SPOCK1: variants seen among roughly 807,000 people sequenced by gnomAD.
SPOCK1 encodes the protein testican-1.
SPOCK1 carries 23 observed loss-of-function variants against 55.3 expected under a neutral mutation model. The ratio of observed to expected loss-of-function variants is 0.42; its 90% CI spans 0.30 to 0.59. SPOCK1 has a LOEUF of 0.59. Among genes scored for constraint, SPOCK1 ranks in the 20% least tolerant of loss-of-function variants. The pLI is 0.22. For missense variants in SPOCK1, 499 were observed against 552.5 expected (o/e 0.90, Z 0.97); for synonymous variants, 226 against 221.0 (o/e 1.02, Z -0.20).
intron 3 of SPOCK1, among the ~76,000 whole-genome samples, chr5:137,210,707 G>A (rs1419143067): frequency 6.6e-6 from 1 of 152,172 alleles, no homozygotes; most frequent in African/African-American, 2.4e-5. Context: ...CACCAGGCAA[G>A]GCACACAGGG....
intron 5 of SPOCK1, among the ~76,000 whole-genome samples, chr5:137,082,901 G>A (rs149293677): frequency 6.6e-6 from 1 of 152,308 alleles, no homozygotes; most frequent in East Asian, 1.9e-4. Context: ...TGCATATTTT[G>A]ATGTCAGTCC....
intron 2 of SPOCK1, among the ~76,000 whole-genome samples, chr5:137,284,068 A>G (rs534220892): frequency 7.2e-5 from 11 of 152,352 alleles, no homozygotes; most frequent in African/African-American, 2.6e-4. Context: ...CAGCACAATG[A>G]CTTTGCAAGG....
At chr5:137,279,020 A>G (rs1456381797) in intron 2 of SPOCK1, among the ~76,000 whole-genome samples, 2 of 152,152 alleles carry the variant, frequency 1.3e-5, no homozygotes, top group East Asian at 3.9e-4. Context: ...CCACAGAGAC[A>G]GAGTGAGGCT....
chr5:137,493,030 C>A (rs1461592943), intron 2 of SPOCK1, among the ~76,000 whole-genome samples: 11 of 152,208 alleles, frequency 7.2e-5, no homozygotes, highest in African/African-American at 2.7e-4. Flanking sequence ...TACTTATAAC[C>A]TTAAGTGAAT....
chr5:137,473,373 C>T (rs1475807298), intron 2 of SPOCK1, among the ~76,000 whole-genome samples: 3 of 152,132 alleles, frequency 2.0e-5, no homozygotes, highest in South Asian at 2.1e-4. Context: ...AACATGTATA[C>T]ATGTATACAC....
chr5:137,253,696 G>T (rs1756582531), intron 3 of SPOCK1, among the ~76,000 whole-genome samples: 1 of 152,162 alleles, frequency 6.6e-6, no homozygotes, highest in Non-Finnish European at 1.5e-5. Context: ...TCCTCACACA[G>T]CTTGGGATAT....
At chr5:137,245,270 T>A (rs1431242616) in intron 3 of SPOCK1, among the ~76,000 whole-genome samples, 1 of 152,072 alleles carries the variant, frequency 6.6e-6, no homozygotes, top group African/African-American at 2.4e-5. Context: ...AAAAAATCAA[T>A]CATCTTTTCA....
At chr5:137,440,601 C>G (rs4246791) in intron 2 of SPOCK1, among the ~76,000 whole-genome samples, 2 of 152,258 alleles carry the variant, frequency 1.3e-5, no homozygotes, top group Non-Finnish European at 2.9e-5. Context: ...ACCTTTGCTA[C>G]GAGCAATCAT....
At chr5:137,355,120 C>T (rs936927659) in intron 2 of SPOCK1, among the ~76,000 whole-genome samples, 1 of 152,072 alleles carries the variant, frequency 6.6e-6, no homozygotes, top group Non-Finnish European at 1.5e-5. Context: ...CCAGGCTGGT[C>T]TTGAACTCCT....
At chr5:137,188,536 G>A (rs1344993156) in intron 3 of SPOCK1, among the ~76,000 whole-genome samples, 3 of 152,194 alleles carry the variant, frequency 2.0e-5, no homozygotes, top group African/African-American at 7.2e-5. Flanking sequence ...ACATGTATAT[G>A]AGATGGTGAA....
chr5:137,356,094 G>A (rs567783091), intron 2 of SPOCK1, among the ~76,000 whole-genome samples: 1 of 152,160 alleles, frequency 6.6e-6, no homozygotes, highest in Admixed American at 6.5e-5. Context: ...CTCAGAGGGT[G>A]GGCTCAACTG....
chr5:137,061,858 T>C lies in SPOCK1; in HGVS notation c.589+5857A>G, dbSNP rs58344823. 4.3e-3 allele frequency among the ~76,000 whole-genome samples: 662 copies of C among 152,214 alleles called. 6 individuals carry two copies. Among genetic ancestry groups the C allele is most frequent in the African/African-American group, 0.013 (525 of 41,538 alleles). Reference sequence around the variant, plus strand: ...ATACTGTAAGATGTGGGCAAGTGACTTCAGACCCAGGAGAAATTAAATTTA... The same window carrying C: ...ATACTGTAAGATGTGGGCAAGTGACCTCAGACCCAGGAGAAATTAAATTTA... On this transcript the variant is annotated intron_variant, in intron 6 of 10. Coordinates refer to ENST00000394945, the MANE Select transcript of SPOCK1 (RefSeq NM_004598.4).
At chr5:137,118,642 C>T (rs1261117921) in intron 4 of SPOCK1, among the ~76,000 whole-genome samples, 1 of 152,164 alleles carries the variant, frequency 6.6e-6, no homozygotes, top group Non-Finnish European at 1.5e-5. Context: ...AATACATGTA[C>T]AGGTGTAAAT....
chr5:137,379,880 G>A (rs1467292007), intron 2 of SPOCK1, among the ~76,000 whole-genome samples: 7 of 152,144 alleles, frequency 4.6e-5, no homozygotes, highest in Non-Finnish European at 1.5e-5. Context: ...CAGACCTTAG[G>A]GGTGCATTAA....
intron 3 of SPOCK1, among the ~76,000 whole-genome samples, chr5:137,154,069 T>C (rs1296157160): frequency 6.6e-6 from 1 of 151,698 alleles, no homozygotes; most frequent in East Asian, 2.0e-4. Flanking sequence ...GGGCAGATCA[T>C]CTGAGGTTGG....
chr5:137,219,777 G>C (rs928261207), intron 3 of SPOCK1, among the ~76,000 whole-genome samples: 1 of 152,192 alleles, frequency 6.6e-6, no homozygotes, highest in South Asian at 2.1e-4. Context: ...CTTGGCCCTG[G>C]CTGGGCCCCT....
chr5:137,157,146 C>T (rs1447836828), intron 3 of SPOCK1, among the ~76,000 whole-genome samples: 4 of 152,050 alleles, frequency 2.6e-5, no homozygotes, highest in South Asian at 4.2e-4. Flanking sequence ...TTGGTCCCAC[C>T]GGCACTGGTG....
chr5:137,345,776 T>C (rs1179005496), intron 2 of SPOCK1, among the ~76,000 whole-genome samples: 2 of 152,160 alleles, frequency 1.3e-5, no homozygotes, highest in Non-Finnish European at 2.9e-5. Context: ...TAACACTCTA[T>C]ATAGAAATTA....
At chr5:137,301,732 T>C (rs994738780) in intron 2 of SPOCK1, among the ~76,000 whole-genome samples, 2 of 150,128 alleles carry the variant, frequency 1.3e-5, no homozygotes, top group African/African-American at 4.9e-5. Context: ...TCAACTAATA[T>C]TGGCAAGGTG....
Sources: allele counts gnomAD v4.1 joint callset (sites outside exome capture counted in the v4.1 genomes callset), GRCh38; gene constraint gnomAD v4.1.1; transcripts MANE v1.5; gene names NCBI Gene and HGNC (gene_info 2026-07-23, HGNC 2026-07-21).